CAMK2G: variants seen among roughly 807,000 people sequenced by gnomAD.
CAMK2G encodes the protein calcium/calmodulin dependent protein kinase II gamma.
In CAMK2G, 23 loss-of-function variants were observed where a neutral mutation model predicts 88.7. The observed-to-expected ratio is 0.26, with a 90% CI of 0.19 to 0.37. The LOEUF is 0.37. Ranked by LOEUF, CAMK2G falls within the 10% of genes least tolerant of loss-of-function variation. The probability of loss-of-function intolerance (pLI) is 1.00; values close to 1 mark genes in which losing one functional copy is unlikely to be tolerated. For missense variants in CAMK2G, 476 were observed against 780.8 expected (o/e 0.61, Z 4.65); for synonymous variants, 263 against 294.8 (o/e 0.89, Z 1.11).
At chr10:73,872,288 G>A (rs1294534803) in intron 2 of CAMK2G, among the ~76,000 whole-genome samples, 1 of 152,256 alleles carries the variant, frequency 6.6e-6, no homozygotes, top group Non-Finnish European at 1.5e-5. Flanking sequence ...CAAGGCCTTG[G>A]CCTTTATGCT....
At chr10:73,847,150 A>G (rs2094306533) in intron 10 of CAMK2G, 75 bp downstream of exon 10, 4 of 1,479,934 alleles carry the variant, frequency 2.7e-6, no homozygotes, top group Admixed American at 1.7e-5. Context: ...TGCTGGTAAG[A>G]AGGAGGGGGT....
intron 22 of CAMK2G, 197 bp downstream of exon 22, chr10:73,814,806 A>G (rs534904013): frequency 1.7e-6 from 1 of 584,914 alleles, no homozygotes; most frequent in African/African-American, 1.9e-5. Flanking sequence ...AGGTCATCCA[A>G]TTTGGAGTCA....
rs1216105939 is a variant in CAMK2G at position 73,842,788 on chromosome 10, A to T, written c.820-247T>A. Among the ~76,000 whole-genome samples the T allele has an allele frequency of 6.6e-6, 1 of 152,168 alleles. No homozygotes were observed. Among genetic ancestry groups the T allele is most frequent in the Admixed American group, 6.5e-5 (1 of 15,276 alleles). On this transcript the variant is annotated intron_variant, in intron 10 of 22. Transcript: ENST00000423381. The surrounding 1 kb of genome is among the most constrained non-coding windows in gnomAD (Gnocchi z 4.6). ...CGGATGCTAGACGGGCTGCTGAGAG[A>T]CCGTCCTATTCTTCCTTGGGAAACA...
chr10:73,870,458 G>A (rs1210511146), intron 2 of CAMK2G, among the ~76,000 whole-genome samples: 5 of 152,164 alleles, frequency 3.3e-5, no homozygotes, highest in Admixed American at 6.5e-5. Context: ...AGACACAACA[G>A]CCCAAAAGAA....
chr10:73,837,348 T>G, intron 14 of CAMK2G, 120 bp downstream of exon 14: 3 of 844,120 alleles, frequency 3.6e-6, no homozygotes, highest in Non-Finnish European at 6.3e-6. Flanking sequence ...GGCATCTGGT[T>G]TAAAGCAGAC....
At chr10:73,837,038 T>A (rs1301953582) in intron 14 of CAMK2G, 4 of 184,156 alleles carry the variant, frequency 2.2e-5, no homozygotes, top group Admixed American at 1.6e-4. Context: ...AAAAGGAGAG[T>A]GGTTTCAGGT....
At position 73,848,888 on chromosome 10, in the gene CAMK2G, G is replaced by C; in HGVS notation, c.517+125C>G. The C allele has an allele frequency of 1.3e-6, 1 of 759,122 alleles. No individual in the cohort carries two copies. Among genetic ancestry groups the C allele is most frequent in the Admixed American group, 1.8e-5 (1 of 56,240 alleles). The allele number at this position is 759,122 out of a possible 1,614,324, so 47.0% of individuals were successfully genotyped here. ...AGACTTACTGTACTGAGTCGCGTACGGCCAAGAGAGATCTCGGAGGCCAGG... is the reference window on the plus strand; with the variant it reads ...AGACTTACTGTACTGAGTCGCGTACCGCCAAGAGAGATCTCGGAGGCCAGG... On this transcript the variant is annotated intron_variant, in intron 7 of 22. Transcript: ENST00000423381. This position sits in a 1 kb window ranked among gnomAD's most constrained non-coding sequence, Gnocchi z 4.5.
intron 17 of CAMK2G, among the ~76,000 whole-genome samples, chr10:73,823,794 A>G (rs1026905020): frequency 6.6e-6 from 1 of 152,160 alleles, no homozygotes; most frequent in Non-Finnish European, 1.5e-5. Context: ...TATCATCCCC[A>G]ATTTGCAGAT....
chr10:73,860,941 G>A (rs781353127), intron 2 of CAMK2G, 52 bp from the exon 3 acceptor site: 3 of 1,302,848 alleles, frequency 2.3e-6, no homozygotes, highest in South Asian at 2.4e-5. Context: ...TTCTCCTTGT[G>A]GTCACCTTGT....
At chr10:73,825,110 G>T (rs1441973322) in intron 16 of CAMK2G, among the ~76,000 whole-genome samples, 169 bp downstream of exon 16, 1 of 152,158 alleles carries the variant, frequency 6.6e-6, no homozygotes, top group Non-Finnish European at 1.5e-5. Context: ...GCGGCCAGGC[G>T]GGACAATGAA....
At chr10:73,868,760 C>T (rs1044078979) in intron 2 of CAMK2G, among the ~76,000 whole-genome samples, 2 of 152,102 alleles carry the variant, frequency 1.3e-5, no homozygotes, top group Non-Finnish European at 2.9e-5. Flanking sequence ...CCACAGGGGA[C>T]ACAAATGTCA....
At chr10:73,825,019 G>C (rs1349343041) in intron 16 of CAMK2G, among the ~76,000 whole-genome samples, 9 of 152,184 alleles carry the variant, frequency 5.9e-5, no homozygotes, top group Admixed American at 5.9e-4. Flanking sequence ...GGGAGGTTCA[G>C]CTGAGAGCCC....
intron 17 of CAMK2G, among the ~76,000 whole-genome samples, chr10:73,823,160 C>G (rs1350425278): frequency 6.6e-6 from 1 of 152,158 alleles, no homozygotes; most frequent in Non-Finnish European, 1.5e-5. Context: ...CCGCACCTGG[C>G]CCTCTCTCTA....
At chr10:73,847,924 C>T in intron 9 of CAMK2G, 64 bp downstream of exon 9, 1 of 900,306 alleles carries the variant, frequency 1.1e-6, no homozygotes, top group South Asian at 1.4e-5. Context: ...CTCCCTTGGA[C>T]AGAGCCCGAG....
At chr10:73,819,454 A>G in intron 19 of CAMK2G, 78 bp downstream of exon 19, 1 of 987,642 alleles carries the variant, frequency 1.0e-6, no homozygotes, top group Non-Finnish European at 1.6e-6. Context: ...TGGGACTGAC[A>G]GCTGTGGTGG....
At chr10:73,847,937 G>A in intron 9 of CAMK2G, 51 bp downstream of exon 9, 3 of 933,544 alleles carry the variant, frequency 3.2e-6, no homozygotes, top group Non-Finnish European at 3.2e-6. Flanking sequence ...AGCCCGAGGA[G>A]CAAGGACATC....
chr10:73,857,008 G>T (rs1346325564), intron 3 of CAMK2G, among the ~76,000 whole-genome samples: 2 of 152,230 alleles, frequency 1.3e-5, no homozygotes, highest in African/African-American at 4.8e-5. Context: ...AGGAGGTCCT[G>T]TTGCCATGGG....
chr10:73,818,114 C>G, intron 19 of CAMK2G: 1 of 166,888 alleles, frequency 6.0e-6, no homozygotes, highest in Non-Finnish European at 1.3e-5. Context: ...ATGGATGCTT[C>G]CCACTGCTCA....
intron 3 of CAMK2G, among the ~76,000 whole-genome samples, chr10:73,855,111 G>A (rs1300127193): frequency 1.3e-5 from 2 of 152,044 alleles, no homozygotes; most frequent in Non-Finnish European, 2.9e-5. Context: ...CCAGGCCCCT[G>A]CCTTCCTCCC....
Sources: allele counts gnomAD v4.1 joint callset (sites outside exome capture counted in the v4.1 genomes callset), GRCh38; gene constraint gnomAD v4.1.1; non-coding constraint Gnocchi (gnomAD v3.1); transcripts MANE v1.5; gene names NCBI Gene and HGNC (gene_info 2026-07-23, HGNC 2026-07-21).